The following SPATA13 variants were observed in gnomAD, a reference collection of about 807,000 sequenced individuals.
SPATA13 encodes spermatogenesis associated 13.
In SPATA13, 50 loss-of-function variants were observed where a neutral mutation model predicts 104.0. That is an observed-to-expected ratio of 0.48 (90% confidence interval 0.38 to 0.61). SPATA13 has a LOEUF of 0.61. Ranked by LOEUF, SPATA13 falls within the 20% of genes least tolerant of loss-of-function variation. SPATA13 has a pLI of 0.00. For missense variants in SPATA13, 1,524 were observed against 1,690.6 expected (o/e 0.90, Z 1.73); for synonymous variants, 606 against 667.5 (o/e 0.91, Z 1.42).
chr13:24,111,776 T>C (rs893789646), intron 3 of SPATA13, among the ~76,000 whole-genome samples: 1 of 152,238 alleles, frequency 6.6e-6, no homozygotes, highest in African/African-American at 2.4e-5. Flanking sequence ...ATCCTTGCAT[T>C]TCCTACTTGG....
intron 2 of SPATA13, among the ~76,000 whole-genome samples, chr13:24,245,996 C>T (rs1201933304): frequency 1.3e-5 from 2 of 152,144 alleles, no homozygotes; most frequent in African/African-American, 4.8e-5. Flanking sequence ...TTGGAGCTCA[C>T]CTGCCTGTAC....
chr13:24,020,162 G>A (rs1037650999), intron 3 of SPATA13, among the ~76,000 whole-genome samples: 5 of 152,178 alleles, frequency 3.3e-5, no homozygotes, highest in Admixed American at 1.3e-4. Flanking sequence ...TTGGGATGAT[G>A]ACTTGAGGAA....
At chr13:24,164,216 C>T (rs543967236) in intron 1 of SPATA13, among the ~76,000 whole-genome samples, 1 of 152,330 alleles carries the variant, frequency 6.6e-6, no homozygotes, top group East Asian at 1.9e-4. Flanking sequence ...CTCATCTTTG[C>T]ATCACAAATG....
intron 2 of SPATA13, among the ~76,000 whole-genome samples, chr13:24,239,753 A>T (rs1222925245): frequency 6.6e-6 from 1 of 150,580 alleles, no homozygotes; most frequent in East Asian, 1.9e-4. Flanking sequence ...ATTCAGAGCT[A>T]AAATATGGTT....
At chr13:24,178,226 T>C (rs1420894814) in intron 1 of SPATA13, among the ~76,000 whole-genome samples, 1 of 152,186 alleles carries the variant, frequency 6.6e-6, no homozygotes, top group Non-Finnish European at 1.5e-5. Context: ...AACGTTCCAA[T>C]AATAACAGCT....
intron 3 of SPATA13, among the ~76,000 whole-genome samples, chr13:24,112,643 C>A: frequency 6.6e-6 from 1 of 152,142 alleles, no homozygotes; most frequent in Non-Finnish European, 1.5e-5. Flanking sequence ...CAGCTCATTA[C>A]AGCTGTTTGT....
intron 3 of SPATA13, among the ~76,000 whole-genome samples, chr13:24,083,307 G>A (rs1879605673): frequency 1.3e-5 from 2 of 152,158 alleles, no homozygotes; most frequent in Admixed American, 1.3e-4. Flanking sequence ...CCTGACAAAG[G>A]GCACAGACAC....
At chr13:24,045,015 G>A (rs7326642) in intron 3 of SPATA13, among the ~76,000 whole-genome samples, 1 of 152,044 alleles carries the variant, frequency 6.6e-6, no homozygotes, top group Admixed American at 6.6e-5. Flanking sequence ...TTATTCTTTC[G>A]TGTTTCCCTT....
intron 1 of SPATA13, among the ~76,000 whole-genome samples, chr13:23,980,351 G>T (rs940523767): frequency 1.3e-5 from 2 of 152,330 alleles, no homozygotes; most frequent in East Asian, 3.9e-4. Context: ...GGGCGACGGA[G>T]GAGCCGCGGG....
At chr13:24,058,132 A>C (rs913629036) in intron 3 of SPATA13, among the ~76,000 whole-genome samples, 1 of 151,856 alleles carries the variant, frequency 6.6e-6, no homozygotes, top group Non-Finnish European at 1.5e-5. Context: ...TTACCTTTAC[A>C]TAATTATGAG....
chr13:24,269,445 C>A (rs1275985553), intron 4 of SPATA13, among the ~76,000 whole-genome samples: 1 of 152,200 alleles, frequency 6.6e-6, no homozygotes, highest in Non-Finnish European at 1.5e-5. Flanking sequence ...TAACTCACAA[C>A]ACTGGAGTGC....
chr13:24,286,398 G>A lies in SPATA13; in HGVS notation c.2481+5G>A. 1 of 1,609,658 alleles carries A rather than the reference G, an allele frequency of 6.2e-7. No homozygotes were observed. Among genetic ancestry groups the A allele is most frequent in the Non-Finnish European group, 8.5e-7 (1 of 1,178,398 alleles). On this transcript the variant is annotated splice_donor_5th_base_variant and intron_variant, in intron 6 of 12. Coordinates refer to ENST00000382108, the MANE Select transcript of SPATA13 (RefSeq NM_001166271.3). This position sits in a 1 kb window ranked among gnomAD's most constrained non-coding sequence, Gnocchi z 4.9. Reference sequence around the variant, plus strand: ...TTCCCCGCGAGCTTCGTCAGAGTAAGTGTGGGGTGCTTGCAGCTTTTCCAA... The same window carrying A: ...TTCCCCGCGAGCTTCGTCAGAGTAAATGTGGGGTGCTTGCAGCTTTTCCAA...
In SPATA13 at chr13:24,307,051, T is replaced by G. The variant is rs1403061822; in HGVS notation, c.*4278T>G. 6.6e-6 allele frequency: 1 copy of G among 152,242 alleles called. No individual in the cohort carries two copies. Among genetic ancestry groups the G allele is most frequent in the East Asian group, 1.9e-4 (1 of 5,202 alleles). The allele number at this position is 152,242 out of a possible 1,614,324, so 9.4% of individuals were successfully genotyped here. A position where few individuals can be genotyped will look rare whatever the true frequency, so the allele number is the denominator to read the frequency against. ...GAATCTATATTTGTTGTTTTGTATA[T>G]TAAAATTCATTTGCCAAACTCGTTC... On this transcript the variant is annotated 3_prime_UTR_variant, in exon 13 of 13. Coordinates refer to ENST00000382108, the MANE Select transcript of SPATA13 (RefSeq NM_001166271.3).
intron 2 of SPATA13, 90 bp from the exon 3 acceptor site, chr13:24,249,387 G>A (rs1268365243): frequency 6.4e-6 from 9 of 1,416,846 alleles, no homozygotes; most frequent in Admixed American, 3.0e-5. Flanking sequence ...CCCGAGGCAC[G>A]GCTGTGGTGG....
At chr13:24,062,049 G>T (rs1438235391) in intron 3 of SPATA13, among the ~76,000 whole-genome samples, 1 of 152,188 alleles carries the variant, frequency 6.6e-6, no homozygotes, top group Non-Finnish European at 1.5e-5. Context: ...AGGTCCAGAG[G>T]TGTTATGTGC....
At chr13:24,020,192 T>C (rs574869132) in intron 3 of SPATA13, among the ~76,000 whole-genome samples, 13 of 152,334 alleles carry the variant, frequency 8.5e-5, no homozygotes, top group Non-Finnish European at 1.8e-4. Flanking sequence ...TTTTGAGATC[T>C]GTGTGTTTTA....
At chr13:24,148,020 G>A (rs1881989274) in intron 3 of SPATA13, among the ~76,000 whole-genome samples, 1 of 152,164 alleles carries the variant, frequency 6.6e-6, no homozygotes, top group African/African-American at 2.4e-5. Flanking sequence ...GGTTGTTTCT[G>A]TCTTTTGGCT....
intron 2 of SPATA13, among the ~76,000 whole-genome samples, chr13:24,237,847 T>A (rs532034213): frequency 6.8e-6 from 1 of 147,800 alleles, no homozygotes; most frequent in Non-Finnish European, 1.5e-5. Context: ...TATGTATATA[T>A]AAAATATATC....
At chr13:24,121,139 C>T (rs1221087895) in intron 3 of SPATA13, among the ~76,000 whole-genome samples, 2 of 152,082 alleles carry the variant, frequency 1.3e-5, no homozygotes, top group Non-Finnish European at 2.9e-5. Context: ...CTAGATACCA[C>T]CTTTCTTATT....
Sources: allele counts gnomAD v4.1 joint callset (sites outside exome capture counted in the v4.1 genomes callset), GRCh38; gene constraint gnomAD v4.1.1; non-coding constraint Gnocchi (gnomAD v3.1); transcripts MANE v1.5; gene names NCBI Gene and HGNC (gene_info 2026-07-23, HGNC 2026-07-21).